The following BAZ2B variants were observed in gnomAD, a reference collection of about 807,000 sequenced individuals.
BAZ2B encodes bromodomain adjacent to zinc finger domain 2B.
A neutral mutation model predicts 246.0 loss-of-function variants in BAZ2B; 91 were observed. The observed-to-expected ratio is 0.37, with a 90% CI of 0.31 to 0.44. The LOEUF (loss-of-function observed/expected upper bound fraction) is 0.44, where lower values mean the gene tolerates loss of function less well. BAZ2B is among the 20% of genes least tolerant of loss of function. The pLI, the probability that BAZ2B is intolerant of heterozygous loss-of-function variation, is 1.00. For synonymous variants in BAZ2B, 855 were observed against 860.0 expected (o/e 0.99, Z 0.10); for missense variants, 2,332 against 2,533.7 (o/e 0.92, Z 1.71).
At chr2:159,321,508 T>C (rs1395926944) in intron 36 of BAZ2B, among the ~76,000 whole-genome samples, 11 of 152,160 alleles carry the variant, frequency 7.2e-5, no homozygotes. Context: ...GCAATCTAAG[T>C]GTCCATCAAC....
rs1247768803 is a variant in BAZ2B at position 159,398,778 on chromosome 2, T to C, written c.2964+51A>G. 7 of 1,517,500 alleles carry C rather than the reference T, an allele frequency of 4.6e-6. No individual in the cohort carries two copies. In the South Asian group the frequency reaches 5.8e-5, roughly 13 times the overall value. 94.0% of individuals were successfully genotyped at this position (1,517,500 alleles called of 1,614,324 possible). ...TCATATAACTGATGCCAGTATAACATATAGTTTTTATTTTTCAAAAATAAA... is the reference window on the plus strand; with the variant it reads ...TCATATAACTGATGCCAGTATAACACATAGTTTTTATTTTTCAAAAATAAA... On this transcript the variant is annotated intron_variant, in intron 18 of 36. Transcript: ENST00000392783.
At chr2:159,639,284 T>C in the BAZ2B span, among the ~76,000 whole-genome samples, 1 of 152,162 alleles carries the variant, frequency 6.6e-6, no homozygotes, top group African/African-American at 2.4e-5. Flanking sequence ...ACAAGAAATC[T>C]TAAAGGGATT....
At chr2:159,572,698 T>G (rs1034065239) in intron 1 of BAZ2B, among the ~76,000 whole-genome samples, 1 of 152,212 alleles carries the variant, frequency 6.6e-6, no homozygotes, top group African/African-American at 2.4e-5. Flanking sequence ...TTTTTCCATA[T>G]AGATAGTGCT....
chr2:159,374,902 C>T (rs1158794919), intron 25 of BAZ2B, 149 bp from the exon 26 acceptor site: 5 of 659,054 alleles, frequency 7.6e-6, no homozygotes, highest in Admixed American at 5.6e-5. Flanking sequence ...TAGAGAGATA[C>T]ATAAAACATT....
At position 159,466,819 on chromosome 2, in the gene BAZ2B, A is replaced by C. The variant is rs117942261; in HGVS notation, c.145+11756T>G. 2.7e-3 allele frequency among the ~76,000 whole-genome samples: 412 copies of C among 151,942 alleles called. 9 individuals are homozygous for C. The East Asian group carries it at 0.044, about 16-fold the overall frequency. On this transcript the variant is annotated intron_variant, in intron 3 of 36. Transcript: ENST00000392783. ...AAGAGAACTACTCCCCTCTTCCTCC[A>C]TTTTTTTTCTTCTCTGCAGGTCCTC...
chr2:159,411,836 G>C, intron 14 of BAZ2B: 2 of 546,196 alleles, frequency 3.7e-6, no homozygotes, highest in Non-Finnish European at 4.7e-6. Context: ...GTATTAATTT[G>C]TTATTCTGAA....
downstream of BAZ2B, among the ~76,000 whole-genome samples, chr2:159,315,491 C>T (rs538719025): frequency 4.6e-5 from 7 of 152,294 alleles, no homozygotes; most frequent in Admixed American, 3.9e-4. Flanking sequence ...TCTAAGATGC[C>T]TCAGGCACAG....
the BAZ2B span, among the ~76,000 whole-genome samples, chr2:159,643,744 C>T: frequency 1.3e-5 from 2 of 151,800 alleles, no homozygotes; most frequent in East Asian, 1.9e-4. Context: ...GGTGTGGTGG[C>T]GGGCACCTGT....
chr2:159,347,713 A>G (rs2068133208), intron 30 of BAZ2B, 67 bp from the exon 31 acceptor site: 2 of 1,337,736 alleles, frequency 1.5e-6, no homozygotes, highest in East Asian at 2.5e-5. Flanking sequence ...GACCTCTTCC[A>G]GAAAGTGAAT....
intron 2 of BAZ2B, among the ~76,000 whole-genome samples, chr2:159,513,413 A>G (rs1041706790): frequency 6.6e-6 from 1 of 152,146 alleles, no homozygotes; most frequent in African/African-American, 2.4e-5. Context: ...TTCAGTCTCA[A>G]TTTGGGTTGT....
At chr2:159,461,983 G>A (rs1026332010) in intron 3 of BAZ2B, 1 of 168,740 alleles carries the variant, frequency 5.9e-6, no homozygotes, top group Non-Finnish European at 1.3e-5. Context: ...CTCTTTAGGT[G>A]CTGGTGGATC....
chr2:159,561,888 A>G (rs1173752430), intron 1 of BAZ2B, among the ~76,000 whole-genome samples: 3 of 152,192 alleles, frequency 2.0e-5, no homozygotes, highest in African/African-American at 7.2e-5. Context: ...TTATTTTACC[A>G]TAGAATCTTT....
At chr2:159,659,613 T>C in the BAZ2B span, among the ~76,000 whole-genome samples, 2 of 152,206 alleles carry the variant, frequency 1.3e-5, no homozygotes, top group African/African-American at 2.4e-5. Flanking sequence ...TCAAATGTCA[T>C]AGTATCCATG....
At chr2:159,623,899 T>C in the BAZ2B span, among the ~76,000 whole-genome samples, 1 of 152,184 alleles carries the variant, frequency 6.6e-6, no homozygotes, top group East Asian at 1.9e-4. Flanking sequence ...ACTATGCAGT[T>C]TTTAAAAAGG....
In BAZ2B at chr2:159,337,078, C is replaced by T; in HGVS notation, c.5661-1G>A. On this transcript the variant is annotated splice_acceptor_variant, in intron 32 of 36. Coordinates refer to ENST00000392783, the MANE Select transcript of BAZ2B (RefSeq NM_013450.4). LOFTEE classifies it high-confidence loss of function. ...CCCTGGAGCAATATCCTCTTCAATT[C>T]TGCATTGAAATATAGAAAAATTAAG... The T allele has an allele frequency of 6.2e-7, 1 of 1,607,948 alleles. No individual in the cohort carries two copies. The highest frequency in any genetic ancestry group is 2.2e-5 in the East Asian group (1 of 44,860).
chr2:159,630,579 G>T, the BAZ2B span, among the ~76,000 whole-genome samples: 9 of 151,480 alleles, frequency 5.9e-5, no homozygotes, highest in African/African-American at 2.2e-4. Flanking sequence ...TGTCGCCCAG[G>T]CTGGAGTGCA....
At chr2:159,610,415 T>G (rs968418187) in intron 1 of BAZ2B, among the ~76,000 whole-genome samples, 3 of 152,208 alleles carry the variant, frequency 2.0e-5, no homozygotes, top group Non-Finnish European at 2.9e-5. Context: ...CCAAACTGAC[T>G]GCCAATTTGA....
the BAZ2B span, among the ~76,000 whole-genome samples, chr2:159,667,095 T>TA: frequency 0.86 from 124,967 of 145,982 alleles, 53,707 homozygotes; most frequent in Middle Eastern, 0.93. Flanking sequence ...TAAAGTATAA[T>TA]AAAAAAAAAG....
intron 1 of BAZ2B, among the ~76,000 whole-genome samples, chr2:159,560,635 T>G (rs1340948039): frequency 6.6e-6 from 1 of 151,676 alleles, no homozygotes; most frequent in Non-Finnish European, 1.5e-5. Flanking sequence ...AGTGGTGCGA[T>G]CTCTGCCTCA....
Sources: allele counts gnomAD v4.1 joint callset (sites outside exome capture counted in the v4.1 genomes callset), GRCh38; gene constraint gnomAD v4.1.1; transcripts MANE v1.5; gene names NCBI Gene and HGNC (gene_info 2026-07-23, HGNC 2026-07-21).